Variants in STARD6 observed in about 807,000 individuals in gnomAD.
STARD6 encodes stAR-related lipid transfer protein 6.
A neutral mutation model predicts 22.3 loss-of-function variants in STARD6; 21 were observed. That is an observed-to-expected ratio of 0.94 (90% confidence interval 0.67 to 1.35). The LOEUF (loss-of-function observed/expected upper bound fraction) is 1.35. Ranked by LOEUF, STARD6 falls within the 40% of genes most tolerant of loss-of-function variation. STARD6 has a pLI of 0.00. For synonymous variants in STARD6, 80 were observed against 88.1 expected, an observed-to-expected ratio of 0.91 and a Z score of 0.52; for missense variants, 269 against 266.9, an observed-to-expected ratio of 1.01 and a Z score of -0.05.
At chr18:54,352,233 TA>T (rs1476994374) in intron 4 of STARD6, among the ~76,000 whole-genome samples, 2 of 152,150 alleles carry the variant, frequency 1.3e-5, no homozygotes, top group African/African-American at 4.8e-5. Context: ...CTTGTGCATG[TA>T]AACGTGTTCA....
At chr18:54,341,068 C>T (rs1458781485) in intron 4 of STARD6, among the ~76,000 whole-genome samples, 1 of 151,894 alleles carries the variant, frequency 6.6e-6, no homozygotes, top group African/African-American at 2.4e-5. Context: ...TTTCTTTTTT[C>T]TTTTTGAGAC....
At chr18:54,333,665 T>C (rs2088884928) in intron 5 of STARD6, among the ~76,000 whole-genome samples, 1 of 152,204 alleles carries the variant, frequency 6.6e-6, no homozygotes, top group South Asian at 2.1e-4. Context: ...ATCAAGGACT[T>C]TCTACAAGAT....
At chr18:54,336,100 AC>A (rs1319759972) in intron 5 of STARD6, among the ~76,000 whole-genome samples, 2 of 151,962 alleles carry the variant, frequency 1.3e-5, no homozygotes, top group African/African-American at 4.8e-5. Flanking sequence ...TGTAAACCAT[AC>A]TTGCCTCTCA....
At chr18:54,336,934 A>T (rs540572083) in intron 5 of STARD6, among the ~76,000 whole-genome samples, 191 bp downstream of exon 5, 31 of 152,376 alleles carry the variant, frequency 2.0e-4, no homozygotes, top group African/African-American at 7.0e-4. Context: ...ATATGCATTT[A>T]CAAGTAGCAT....
intron 5 of STARD6, 44 bp from the exon 6 acceptor site, chr18:54,331,903 T>G: frequency 7.4e-7 from 1 of 1,358,952 alleles, no homozygotes; most frequent in South Asian, 1.3e-5. Context: ...TTACTTAATA[T>G]CTATTCTTTG....
chr18:54,332,431 A>T (rs2088872948), intron 5 of STARD6, among the ~76,000 whole-genome samples: 1 of 152,158 alleles, frequency 6.6e-6, no homozygotes, highest in South Asian at 2.1e-4. Context: ...GTTACTATTT[A>T]TCCCTGTTGA....
At chr18:54,345,836 A>G (rs1229973366) in intron 4 of STARD6, among the ~76,000 whole-genome samples, 1 of 152,170 alleles carries the variant, frequency 6.6e-6, no homozygotes, top group Non-Finnish European at 1.5e-5. Context: ...TGGGGAAAGA[A>G]GAATCTCCAA....
Position 54,331,848 on chromosome 18 carries a change from TATGA to T in STARD6, c.275_278del (p.Phe92TyrfsTer22), listed in dbSNP as rs2088868344. ...CAAAACTTTGTGTAATGGTATGACA[TATGA>T]ATGTGTCCTGCAACAAATCAAACCG... On this transcript the variant is annotated frameshift_variant, in exon 6 of 8. Transcript: ENST00000307844. LOFTEE classifies it high-confidence loss of function. 6.2e-7 allele frequency: 1 copy of T among 1,602,174 alleles called. No individual in the cohort carries two copies. Among genetic ancestry groups the T allele is most frequent in the South Asian group, 1.1e-5 (1 of 89,962 alleles).
intron 4 of STARD6, among the ~76,000 whole-genome samples, chr18:54,339,700 A>AAAAT (rs2088952711): frequency 7.9e-5 from 12 of 152,224 alleles, no homozygotes; most frequent in Admixed American, 7.2e-4. Flanking sequence ...TATTGGTAGT[A>AAAAT]GTCCTGCCTT....
chr18:54,345,695 T>C (rs2089027264), intron 4 of STARD6, among the ~76,000 whole-genome samples: 1 of 152,172 alleles, frequency 6.6e-6, no homozygotes, highest in Non-Finnish European at 1.5e-5. Context: ...TAAAAGGCTA[T>C]AGTAGTGAAG....
At chr18:54,354,237 A>G in intron 3 of STARD6, 134 bp from the exon 4 acceptor site, 1 of 636,810 alleles carries the variant, frequency 1.6e-6, no homozygotes, top group Non-Finnish European at 2.7e-6. Context: ...TATTTTTCAG[A>G]GACAGGGTCT....
intron 7 of STARD6, among the ~76,000 whole-genome samples, chr18:54,325,232 A>G (rs1180975504): frequency 3.3e-5 from 5 of 151,986 alleles, no homozygotes; most frequent in African/African-American, 1.2e-4. Flanking sequence ...TCGCGTGACT[A>G]TCTTTCTCTC....
chr18:54,332,486 C>T (rs1302901058), intron 5 of STARD6, among the ~76,000 whole-genome samples: 1 of 152,196 alleles, frequency 6.6e-6, no homozygotes, highest in Non-Finnish European at 1.5e-5. Context: ...TCAAACAAGT[C>T]AATCACATTC....
intron 7 of STARD6, among the ~76,000 whole-genome samples, chr18:54,328,526 A>G (rs765369622): frequency 6.6e-6 from 1 of 152,342 alleles, no homozygotes; most frequent in Middle Eastern, 3.4e-3. Context: ...TGCATCAACA[A>G]TCGTATACAT....
intron 2 of STARD6, among the ~76,000 whole-genome samples, chr18:54,355,273 T>C (rs2089133952): frequency 6.6e-6 from 1 of 152,170 alleles, no homozygotes; most frequent in Non-Finnish European, 1.5e-5. Context: ...TTCATATAAC[T>C]GACTGTTTCA....
intron 4 of STARD6, among the ~76,000 whole-genome samples, chr18:54,343,432 C>T (rs1259667369): frequency 3.7e-5 from 5 of 135,202 alleles, no homozygotes; most frequent in Admixed American, 7.0e-5. Context: ...GGGTCAGCCC[C>T]CTGCCCGGCC....
intron 4 of STARD6, among the ~76,000 whole-genome samples, chr18:54,352,837 T>C (rs1033569365): frequency 3.3e-5 from 5 of 152,200 alleles, no homozygotes; most frequent in Non-Finnish European, 7.3e-5. Flanking sequence ...ACTTGTAGAC[T>C]AAATAAATAA....
At chr18:54,352,630 C>T (rs1349718285) in intron 4 of STARD6, among the ~76,000 whole-genome samples, 1 of 152,030 alleles carries the variant, frequency 6.6e-6, no homozygotes, top group African/African-American at 2.4e-5. Flanking sequence ...TGTTGTGCAC[C>T]AATAAATACC....
intron 7 of STARD6, among the ~76,000 whole-genome samples, chr18:54,328,692 C>G (rs1034859661): frequency 3.3e-5 from 5 of 151,702 alleles, no homozygotes; most frequent in Admixed American, 2.6e-4. Flanking sequence ...TCTGTTATCA[C>G]GTGCCAATAT....
Sources: allele counts gnomAD v4.1 joint callset (sites outside exome capture counted in the v4.1 genomes callset), GRCh38; gene constraint gnomAD v4.1.1; transcripts MANE v1.5; gene names NCBI Gene and HGNC (gene_info 2026-07-23, HGNC 2026-07-21).